The following USH2A variants were observed in gnomAD, a reference collection of about 807,000 sequenced individuals.
USH2A encodes the protein Usher syndrome 2A (autosomal recessive, mild).
Under a neutral mutation model 538.9 loss-of-function variants are expected in USH2A, and 443 were observed. The observed-to-expected ratio is 0.82, with a 90% confidence interval of 0.76 to 0.89. USH2A has a LOEUF of 0.89. Ranked by LOEUF, USH2A falls within the 40% of genes least tolerant of loss-of-function variation. USH2A has a pLI of 0.00. For synonymous variants in USH2A, 2,413 were observed against 2,273.5 expected (o/e 1.06, Z -1.75); for missense variants, 6,633 against 6,324.8 (o/e 1.05, Z -1.65).
intron 35 of USH2A, among the ~76,000 whole-genome samples, chr1:215,978,668 T>A (rs1667678070): frequency 6.6e-6 from 1 of 152,060 alleles, no homozygotes. Context: ...GCCAAACAAA[T>A]GACATAATTA....
chr1:216,135,228 C>T (rs1489056121), intron 21 of USH2A, among the ~76,000 whole-genome samples: 5 of 151,004 alleles, frequency 3.3e-5, no homozygotes, highest in African/African-American at 1.2e-4. Context: ...ATAAATTCCT[C>T]CTTTAAAATG....
chr1:216,059,108 A>G (rs1185415999), intron 30 of USH2A, among the ~76,000 whole-genome samples: 1 of 152,178 alleles, frequency 6.6e-6, no homozygotes, highest in Non-Finnish European at 1.5e-5. Context: ...GGTTACATAT[A>G]TATAGAGAGA....
In USH2A at chr1:215,951,881, G is replaced by A. The variant is rs1427475977; in HGVS notation, c.7120+13436C>T. ...TTTTATTTTTTTTATTTTTTGAGAC[G>A]GAGTCTTGCTCTGTCGCCCAGGCTG... On this transcript the variant is annotated intron_variant, in intron 37 of 71. Transcript: ENST00000307340. Among the ~76,000 whole-genome samples the A allele has an allele frequency of 7.4e-4, 109 of 147,126 alleles. 2 individuals carry two copies. The highest frequency in any genetic ancestry group is 2.6e-3 in the African/African-American group (101 of 39,312).
intron 13 of USH2A, among the ~76,000 whole-genome samples, chr1:216,241,917 C>A (rs1201085002): frequency 1.3e-5 from 2 of 152,096 alleles, no homozygotes; most frequent in Non-Finnish European, 2.9e-5. Flanking sequence ...AAATTGTCTT[C>A]TTTTCTTTAG....
At chr1:216,240,013 C>CAAAAA (rs55691066) in intron 13 of USH2A, among the ~76,000 whole-genome samples, 146 of 112,254 alleles carry the variant, frequency 1.3e-3, no homozygotes, top group Middle Eastern at 4.7e-3. Flanking sequence ...ATGAAATAAA[C>CAAAAA]AAAAAAAAAA....
At chr1:215,702,403 C>T (rs1244312568) in intron 61 of USH2A, among the ~76,000 whole-genome samples, 1 of 152,104 alleles carries the variant, frequency 6.6e-6, no homozygotes, top group Non-Finnish European at 1.5e-5. Context: ...TGATAATATC[C>T]TGAAGTGTGT....
intron 4 of USH2A, among the ~76,000 whole-genome samples, chr1:216,331,977 T>C (rs753909229): frequency 2.2e-4 from 33 of 152,062 alleles, no homozygotes; most frequent in Non-Finnish European, 2.1e-4. Context: ...ATGTGGACAG[T>C]GTTTATTTTT....
chr1:216,031,003 T>A (rs1669108892), intron 32 of USH2A, among the ~76,000 whole-genome samples: 1 of 151,960 alleles, frequency 6.6e-6, no homozygotes, highest in South Asian at 2.1e-4. Flanking sequence ...TCTTCTTGTA[T>A]ATCCAACACA....
chr1:215,766,626 C>T (rs1473827056), intron 56 of USH2A, 55 bp downstream of exon 56: 37 of 1,509,050 alleles, frequency 2.5e-5, no homozygotes, highest in Non-Finnish European at 3.3e-5. Flanking sequence ...CAGATTCCAC[C>T]TCAAAATGCT....
chr1:215,783,728 T>A (rs1157964296), intron 52 of USH2A, among the ~76,000 whole-genome samples: 1 of 152,244 alleles, frequency 6.6e-6, no homozygotes, highest in Non-Finnish European at 1.5e-5. Context: ...TTTCCATGTC[T>A]CTAATTTGAT....
At chr1:216,190,131 A>G (rs2034685159) in intron 20 of USH2A, 92 bp downstream of exon 20, 1 of 1,544,196 alleles carries the variant, frequency 6.5e-7, no homozygotes, top group Non-Finnish European at 8.8e-7. Context: ...GAGAAGACAA[A>G]TATAAAGTCT....
chr1:215,992,148 C>A (rs1437089434), intron 35 of USH2A, among the ~76,000 whole-genome samples: 2 of 152,052 alleles, frequency 1.3e-5, no homozygotes, highest in East Asian at 3.9e-4. Context: ...TAACTTTTTT[C>A]TTTCATTCTT....
intron 32 of USH2A, among the ~76,000 whole-genome samples, chr1:216,027,816 A>G (rs1171410384): frequency 3.3e-5 from 5 of 152,226 alleles, no homozygotes; most frequent in African/African-American, 9.6e-5. Context: ...TTGATAATGC[A>G]CTAAAGATAT....
chr1:215,779,943 A>G lies in USH2A; in HGVS notation c.10839T>C (p.Pro3613=), dbSNP rs1002437761. ...CTTTAATGACGCCGTTTGATTTCTCAGGGACACTCCAGCTCAGATGCAGAG... is the reference window on the plus strand; with the variant it reads ...CTTTAATGACGCCGTTTGATTTCTCGGGGACACTCCAGCTCAGATGCAGAG... ...AVALHLSWSV[P]EKSNGVIKEY... The change falls in exon 55 of 72, where the codon CCT becomes CCC. Residue 3613 remains proline, a synonymous_variant. Transcript: ENST00000307340. 3.1e-6 allele frequency: 5 copies of G among 1,614,014 alleles called. No individual in the cohort carries two copies. In the East Asian group the frequency reaches 1.1e-4, roughly 36 times the overall value.
Position 215,766,773 on chromosome 1 carries a change from G to A in USH2A, c.10955C>T (p.Thr3652Ile). The change falls in exon 56 of 72, where the codon ACC (threonine) becomes ATC (isoleucine). Residue 3652 changes from threonine (T) to isoleucine (I), a missense_variant. Transcript: ENST00000307340. ...QHTVTGLQPY[T>I]NYSFTLTACT... ...AGCTGTAAGAGTGAAGCTGTAGTTG[G>A]TGTATGGCTGGAGACCTAGAAAAAG... 1 of 1,613,568 alleles carries A rather than the reference G, an allele frequency of 6.2e-7. No individual in the cohort carries two copies. Among genetic ancestry groups the A allele is most frequent in the East Asian group, 2.2e-5 (1 of 44,856 alleles).
intron 21 of USH2A, among the ~76,000 whole-genome samples, chr1:216,156,609 G>A (rs1471642678): frequency 6.6e-6 from 1 of 151,938 alleles, no homozygotes; most frequent in Non-Finnish European, 1.5e-5. Flanking sequence ...CTTCCTTTCA[G>A]TTATTACCCC....
intron 11 of USH2A, among the ~76,000 whole-genome samples, chr1:216,278,596 G>A (rs2036714460): frequency 6.6e-6 from 1 of 152,082 alleles, no homozygotes; most frequent in Admixed American, 6.6e-5. Flanking sequence ...TGAAGCTCTG[G>A]GAAAACTCTC....
rs573297485 is a variant in USH2A at position 215,995,251 on chromosome 1, T to C, written c.6658-2084A>G. On this transcript the variant is annotated intron_variant, in intron 34 of 71. Transcript: ENST00000307340. ...CCTTTGGTTTAGAAGGACTGTTTCA[T>C]CTACTATGTCATCTGAGATCCATAA... Among the ~76,000 whole-genome samples the C allele has an allele frequency of 3.1e-4, 47 of 152,326 alleles. 1 individual carries two copies. In the South Asian group the frequency reaches 9.3e-3, roughly 30 times the overall value.
intron 9 of USH2A, among the ~76,000 whole-genome samples, chr1:216,318,303 C>T (rs1287581575): frequency 1.3e-5 from 2 of 152,012 alleles, no homozygotes; most frequent in East Asian, 3.9e-4. Context: ...ACATGGATCC[C>T]AATAGGAAGT....
Sources: allele counts gnomAD v4.1 joint callset (sites outside exome capture counted in the v4.1 genomes callset), GRCh38; gene constraint gnomAD v4.1.1; transcripts MANE v1.5; gene names NCBI Gene and HGNC (gene_info 2026-07-23, HGNC 2026-07-21).